KATNB1: variants seen among roughly 807,000 people sequenced by gnomAD.
KATNB1 encodes katanin p80 WD40 repeat-containing subunit B1.
In KATNB1, 38 loss-of-function variants were observed where a neutral mutation model predicts 82.3. That is an observed-to-expected ratio of 0.46 (90% CI 0.36 to 0.61). KATNB1 has a LOEUF of 0.61. Ranked by LOEUF, KATNB1 falls within the 20% of genes least tolerant of loss-of-function variation. The pLI is 0.00. For synonymous variants in KATNB1, 361 were observed against 368.7 expected, an observed-to-expected ratio of 0.98 and a Z score of 0.24; for missense variants, 749 against 915.7, an observed-to-expected ratio of 0.82 and a Z score of 2.35.
In KATNB1 at chr16:57,755,998, G is replaced by A. The variant is rs782439649; in HGVS notation, c.1650G>A (p.Leu550=). Residue 550 remains leucine, a synonymous_variant, in exon 18 of 20, where the codon CTG becomes CTA. Coordinates refer to ENST00000379661, the MANE Select transcript of KATNB1 (RefSeq NM_005886.3). The part of the protein sequence containing the change: ...LLNIVNQKAS[L]WKLDLCTTVL... ...ATGTCCTGGCCTCTCCTAGCTCCCT[G>A]TGGAAGCTGGACCTGTGCACCACCG... 3.1e-6 allele frequency: 5 copies of A among 1,613,198 alleles called. No individual in the cohort carries two copies. The highest frequency in any genetic ancestry group is 1.1e-5 in the South Asian group (1 of 91,078).
rs782388680 is a variant in KATNB1, at chr16:57,756,970, C to G, written c.*24C>G. 2 of 1,491,168 alleles carry G rather than the reference C, an allele frequency of 1.3e-6. No homozygotes were observed. Among genetic ancestry groups the G allele is most frequent in the Non-Finnish European group, 1.8e-6 (2 of 1,114,800 alleles). The allele number at this position is 1,491,168 out of a possible 1,614,324, so 92.4% of individuals were successfully genotyped here. ...GAGGAAAGCAGTGGGCAGGGGCGCTCGGCAGCCCACAGGGCCTGGCCTCAG... is the reference window on the plus strand; with the variant it reads ...GAGGAAAGCAGTGGGCAGGGGCGCTGGGCAGCCCACAGGGCCTGGCCTCAG... On this transcript the variant is annotated 3_prime_UTR_variant, in exon 20 of 20. Coordinates refer to ENST00000379661, the MANE Select transcript of KATNB1 (RefSeq NM_005886.3).
At chr16:57,745,794 CTT>C (rs57950639) in intron 4 of KATNB1, among the ~76,000 whole-genome samples, 4 of 147,682 alleles carry the variant, frequency 2.7e-5, no homozygotes, top group Admixed American at 6.7e-5. Flanking sequence ...ATAATAGTTC[CTT>C]TTTTTTTTTA....
chr16:57,755,257 C>T lies in KATNB1; in HGVS notation c.1416+19C>T, dbSNP rs782816760. 28 of 1,610,310 alleles carry T rather than the reference C, an allele frequency of 1.7e-5. No homozygotes were observed. Among genetic ancestry groups the T allele is most frequent in the Middle Eastern group, 3.3e-4 (2 of 6,082 alleles). On this transcript the variant is annotated intron_variant, in intron 15 of 19. Coordinates refer to ENST00000379661, the MANE Select transcript of KATNB1 (RefSeq NM_005886.3). Reference sequence around the variant, plus strand: ...CCTGCCCGTGAGTAGGAGCCCAGCTCGAGGCATGGGTGGAGGTCTGTGGGT... The same window carrying T: ...CCTGCCCGTGAGTAGGAGCCCAGCTTGAGGCATGGGTGGAGGTCTGTGGGT...
At chr16:57,754,839 T>C in intron 13 of KATNB1, 91 bp from the exon 14 acceptor site, 1 of 1,315,436 alleles carries the variant, frequency 7.6e-7, no homozygotes, top group Non-Finnish European at 1.1e-6. Context: ...ATCCCCCCAT[T>C]GCAGATGCTG....
chr16:57,753,947 C>A lies in KATNB1; in HGVS notation c.1180C>A (p.Arg394=). The A allele has an allele frequency of 6.2e-7, 1 of 1,613,426 alleles. No individual in the cohort carries two copies. The highest frequency in any genetic ancestry group is 8.5e-7 in the Non-Finnish European group (1 of 1,179,872). Residue 394 remains arginine (R), a splice_region_variant and synonymous_variant, in exon 13 of 20, where the codon CGG becomes AGG. Coordinates refer to ENST00000379661, the MANE Select transcript of KATNB1 (RefSeq NM_005886.3). ...CCAGGGGCCTCTTTCCTCTGCAGGT[C>A]GGACGCCACCCCGGAGAAGTGAGCC... The part of the protein sequence containing the change: ...EIFQPKNSIS[R]TPPRRSEPFP...
chr16:57,751,813 G>A lies in KATNB1; in HGVS notation c.516+89G>A, dbSNP rs901665093. On this transcript the variant is annotated intron_variant, in intron 7 of 19. Transcript: ENST00000379661. This position sits in a 1 kb window ranked among gnomAD's most constrained non-coding sequence, Gnocchi z 6.3. ...GAGTCCTCACCTCCCTCCTGATCGG[G>A]CTCACATGTCCCAAGCCTATCCCGA... 3.5e-6 allele frequency: 5 copies of A among 1,427,562 alleles called. No individual in the cohort carries two copies. The highest frequency in any genetic ancestry group is 4.9e-6 in the Non-Finnish European group (5 of 1,022,118). 88.4% of individuals were successfully genotyped at this position (1,427,562 alleles called of 1,614,324 possible).
intron 18 of KATNB1, 139 bp downstream of exon 18, chr16:57,756,205 T>C (rs2049276127): frequency 7.7e-6 from 9 of 1,171,124 alleles, no homozygotes; most frequent in Admixed American, 3.5e-5. Context: ...CCCTCAACAG[T>C]CCGGAGGTGG....
Position 57,753,996 on chromosome 16 carries a change from G to A in KATNB1, c.1228+1G>A, listed in dbSNP as rs1263705074. On this transcript the variant is annotated splice_donor_variant, in intron 13 of 19. Transcript: ENST00000379661. LOFTEE classifies it high-confidence loss of function. ...CCCTTCCCTGCACCCCCAGAGGACGGTGAGTTGGGTGAGCCTGGTTTCCCA... is the reference window on the plus strand; with the variant it reads ...CCCTTCCCTGCACCCCCAGAGGACGATGAGTTGGGTGAGCCTGGTTTCCCA... 8.1e-6 allele frequency: 13 copies of A among 1,613,348 alleles called. No individual in the cohort carries two copies. Among genetic ancestry groups the A allele is most frequent in the African/African-American group, 1.3e-5 (1 of 74,866 alleles).
At position 57,737,131 on chromosome 16, in the gene KATNB1, T is replaced by A. The variant is rs190894237; in HGVS notation, c.-113T>A. Reference sequence around the variant, plus strand: ...GAGGCATTCTGTCTGCCTGGATGTGTGGGAACTCTCTGCCAACTTGATTGG... The same window carrying A: ...GAGGCATTCTGTCTGCCTGGATGTGAGGGAACTCTCTGCCAACTTGATTGG... On this transcript the variant is annotated 5_prime_UTR_variant, in exon 2 of 20. An upstream open reading frame in the 5' UTR gains an earlier in-frame stop. Transcript: ENST00000379661. 2,757 of 1,336,158 alleles carry A rather than the reference T, an allele frequency of 2.1e-3. 7 individuals are homozygous for A. The highest frequency in any genetic ancestry group is 2.7e-3 in the Non-Finnish European group (2,593 of 947,856). 82.8% of individuals were successfully genotyped at this position (1,336,158 alleles called of 1,614,324 possible).
intron 4 of KATNB1, among the ~76,000 whole-genome samples, chr16:57,750,141 GTC>G (rs2049214220): frequency 6.6e-6 from 1 of 152,172 alleles, no homozygotes. Flanking sequence ...CTCCTGGTCT[GTC>G]TCTCTCCTTG....
Position 57,756,017 on chromosome 16 carries a change from A to C in KATNB1, c.1669A>C (p.Thr557Pro), listed in dbSNP as rs782135380. 6.2e-7 allele frequency: 1 copy of C among 1,612,324 alleles called. No individual in the cohort carries two copies. The highest frequency in any genetic ancestry group is 1.1e-5 in the South Asian group (1 of 91,078). Residue 557 changes from threonine to proline, a missense_variant, in exon 18 of 20, where the codon ACC becomes CCC. Transcript: ENST00000379661. Reference sequence around the variant, plus strand: ...CTCCCTGTGGAAGCTGGACCTGTGCACCACCGTCCTGCCACAGATTGAGAA... The same window carrying C: ...CTCCCTGTGGAAGCTGGACCTGTGCCCCACCGTCCTGCCACAGATTGAGAA... ...KASLWKLDLC[T>P]TVLPQIEKLL...
At position 57,754,040 on chromosome 16, in the gene KATNB1, C is replaced by T. The variant is rs111709432; in HGVS notation, c.1228+45C>T. 1.7e-4 allele frequency: 249 copies of T among 1,492,352 alleles called. No individual in the cohort carries two copies. In the African/African-American group the frequency reaches 2.5e-3, roughly 15 times the overall value. 92.4% of individuals were successfully genotyped at this position (1,492,352 alleles called of 1,614,324 possible). A position where few individuals can be genotyped will look rare whatever the true frequency, so the allele number is the denominator to read the frequency against. On this transcript the variant is annotated intron_variant, in intron 13 of 19. Transcript: ENST00000379661. ...TTTCCCAAGGTCTCTGATGCCCCCC[C>T]GTCCCTCATCTTCTCTTCCTGTGAA...
chr16:57,751,499 C>A lies in KATNB1; in HGVS notation c.433-142C>A. 1.1e-6 allele frequency: 1 copy of A among 941,604 alleles called. No individual in the cohort carries two copies. Among genetic ancestry groups the A allele is most frequent in the Non-Finnish European group, 1.7e-6 (1 of 596,492 alleles). 58.3% of individuals were successfully genotyped at this position (941,604 alleles called of 1,614,324 possible). ...TGGCTCTGCATGAATCCCCTAGAGC[C>A]ACGTTCATCAAACTGCTCCAAGCAG... On this transcript the variant is annotated intron_variant, in intron 6 of 19. Coordinates refer to ENST00000379661, the MANE Select transcript of KATNB1 (RefSeq NM_005886.3). This position sits in a 1 kb window ranked among gnomAD's most constrained non-coding sequence, Gnocchi z 6.3.
rs552545792 is a variant in KATNB1 at position 57,741,699 on chromosome 16, C to T, written c.53C>T (p.Ala18Val). 3.1e-6 allele frequency: 5 copies of T among 1,613,724 alleles called. No homozygotes were observed. The highest frequency in any genetic ancestry group is 2.2e-5 in the South Asian group (2 of 91,050). Reference protein sequence around the residue: ...KTAWKLQEIVAHASNVSSLVL... With the variant: ...KTAWKLQEIVVHASNVSSLVL... Reference sequence around the variant, plus strand: ...CTTCCCTGTGTAGAAGAGATCGTCGCGCATGCCAGCAACGTGTCCTCACTG... The same window carrying T: ...CTTCCCTGTGTAGAAGAGATCGTCGTGCATGCCAGCAACGTGTCCTCACTG... Residue 18 changes from alanine (A) to valine (V), a missense_variant, in exon 3 of 20, where the codon GCG becomes GTG. By Grantham distance (64) the Ala-to-Val change is moderately conservative. Transcript: ENST00000379661.
In KATNB1 at chr16:57,756,230, GTGTGTGGGTGTA is replaced by G. The variant is rs1267177247; in HGVS notation, c.1719-114_1719-103del. ...TCCGGAGGTGGGAGTGGAAACAGGCGTGTGTGGGTGTATGTGTGGGTGTGTCTGTGTCTGTTT... is the reference window on the plus strand; with the variant it reads ...TCCGGAGGTGGGAGTGGAAACAGGCGTGTGTGGGTGTGTCTGTGTCTGTTT... On this transcript the variant is annotated intron_variant, in intron 18 of 19. Transcript: ENST00000379661. 2.5e-5 allele frequency: 28 copies of G among 1,099,002 alleles called. No homozygotes were observed. The East Asian group carries it at 2.6e-4, about 10-fold the overall frequency. 68.1% of individuals were successfully genotyped at this position (1,099,002 alleles called of 1,614,324 possible).
Position 57,755,238 on chromosome 16 carries a change from C to G in KATNB1, c.1416C>G (p.Pro472=), listed in dbSNP as rs138373737. The change falls in exon 15 of 20, where the codon CCC becomes CCG. Residue 472 remains proline (P), a splice_region_variant and synonymous_variant. Transcript: ENST00000379661. The part of the protein sequence containing the change: ...PIGLKASDFL[P]AVKIPQQAEL... ...GGCTGAAGGCCTCCGACTTCCTGCC[C>G]GTGAGTAGGAGCCCAGCTCGAGGCA... 1.2e-6 allele frequency: 2 copies of G among 1,610,696 alleles called. No individual in the cohort carries two copies. Among genetic ancestry groups the G allele is most frequent in the East Asian group, 2.2e-5 (1 of 44,870 alleles).
intron 4 of KATNB1, among the ~76,000 whole-genome samples, chr16:57,745,338 ACCC>A (rs2049175512): frequency 3.0e-4 from 1 of 3,372 alleles, no homozygotes; most frequent in Admixed American, 1.4e-3. Context: ...ACGTGGAGAA[ACCC>A]CATCCTGAGG....
intron 9 of KATNB1, 37 bp downstream of exon 9, chr16:57,752,638 C>G: frequency 6.5e-7 from 1 of 1,549,716 alleles, no homozygotes; most frequent in Non-Finnish European, 8.7e-7. Flanking sequence ...CAGCGCTCCT[C>G]CCGGCAGTGG....
At chr16:57,743,623 C>T (rs1555580361) in intron 3 of KATNB1, among the ~76,000 whole-genome samples, 1 of 152,152 alleles carries the variant, frequency 6.6e-6, no homozygotes, top group Non-Finnish European at 1.5e-5. Flanking sequence ...TTTAGAACGC[C>T]AGGTGCAGCT....
Sources: allele counts gnomAD v4.1 joint callset (sites outside exome capture counted in the v4.1 genomes callset), GRCh38; gene constraint gnomAD v4.1.1; non-coding constraint Gnocchi (gnomAD v3.1); transcripts MANE v1.5; gene names NCBI Gene and HGNC (gene_info 2026-07-23, HGNC 2026-07-21).